Variants in LIMS1 observed in about 807,000 individuals in gnomAD.
LIMS1 encodes LIM and senescent cell antigen-like-containing domain protein 1.
Under a neutral mutation model 44.1 loss-of-function variants are expected in LIMS1, and 18 were observed. That is an observed-to-expected ratio of 0.41 (90% confidence interval 0.28 to 0.61). LIMS1 has a LOEUF of 0.61. Ranked by LOEUF, LIMS1 falls within the 20% of genes least tolerant of loss-of-function variation. The probability of loss-of-function intolerance (pLI) is 0.32; values close to 1 mark genes in which losing one functional copy is unlikely to be tolerated. For synonymous variants in LIMS1, 93 were observed against 149.1 expected (o/e 0.62, Z 2.74); for missense variants, 201 against 422.0 (o/e 0.48, Z 4.59).
chr2:108,621,706 TTGTTA>T (rs1688253351), intron 1 of LIMS1, among the ~76,000 whole-genome samples: 1 of 150,968 alleles, frequency 6.6e-6, no homozygotes, highest in Admixed American at 6.5e-5. Context: ...ACCTACAGTG[TTGTTA>T]TGTCTTTAAA....
chr2:108,579,197 A>G (rs934872644), intron 1 of LIMS1, among the ~76,000 whole-genome samples: 2 of 152,200 alleles, frequency 1.3e-5, no homozygotes, highest in African/African-American at 4.8e-5. Flanking sequence ...ATTTTAAAAA[A>G]TCTATTCTGT....
chr2:108,667,551 A>AATAT (rs1553469852), intron 2 of LIMS1, among the ~76,000 whole-genome samples: 167 of 130,466 alleles, frequency 1.3e-3, no homozygotes, highest in Middle Eastern at 4.1e-3. Context: ...AAAAAAAAAA[A>AATAT]ATATATATAT....
intron 1 of LIMS1, among the ~76,000 whole-genome samples, chr2:108,559,582 A>G (rs942674527): frequency 6.6e-6 from 1 of 152,198 alleles, no homozygotes; most frequent in East Asian, 1.9e-4. Flanking sequence ...ATAAAAATCT[A>G]ATCTCTTTAT....
chr2:108,604,918 C>T (rs1573424290), intron 1 of LIMS1, among the ~76,000 whole-genome samples: 2 of 152,292 alleles, frequency 1.3e-5, no homozygotes, highest in Middle Eastern at 3.4e-3. Flanking sequence ...GTTCCTTTTT[C>T]ACTGGAATCC....
At chr2:108,537,571 T>C (rs1244828270) in intron 1 of LIMS1, among the ~76,000 whole-genome samples, 1 of 152,206 alleles carries the variant, frequency 6.6e-6, no homozygotes, top group Non-Finnish European at 1.5e-5. Flanking sequence ...TTTTCAGTGC[T>C]CTGTGCCTGT....
intron 1 of LIMS1, among the ~76,000 whole-genome samples, chr2:108,559,149 A>G (rs1685028691): frequency 6.6e-6 from 1 of 152,152 alleles, no homozygotes; most frequent in African/African-American, 2.4e-5. Context: ...ATACCCTTAG[A>G]CACTGGCTTT....
At chr2:108,615,081 G>A (rs111757691) in intron 1 of LIMS1, among the ~76,000 whole-genome samples, 27 of 134,388 alleles carry the variant, frequency 2.0e-4, no homozygotes, top group African/African-American at 5.5e-4. Context: ...AATCTATAGC[G>A]TATAGTTGTA....
chr2:108,644,510 C>G (rs976606514), intron 1 of LIMS1, among the ~76,000 whole-genome samples: 2 of 152,082 alleles, frequency 1.3e-5, no homozygotes, highest in African/African-American at 4.8e-5. Flanking sequence ...CTTCAAAGAC[C>G]AAAGGTACAT....
chr2:108,565,814 C>G (rs1685272080), intron 1 of LIMS1, among the ~76,000 whole-genome samples: 1 of 152,122 alleles, frequency 6.6e-6, no homozygotes, highest in South Asian at 2.1e-4. Flanking sequence ...GCCATCTTCT[C>G]CAGGATGGCA....
intron 1 of LIMS1, among the ~76,000 whole-genome samples, chr2:108,647,356 A>T (rs1376146496): frequency 6.6e-6 from 1 of 151,998 alleles, no homozygotes; most frequent in African/African-American, 2.4e-5. Flanking sequence ...CCAGGACTGG[A>T]TGGATTCACA....
chr2:108,646,505 C>T (rs1389832644), intron 1 of LIMS1, among the ~76,000 whole-genome samples: 1 of 152,108 alleles, frequency 6.6e-6, no homozygotes, highest in Non-Finnish European at 1.5e-5. Context: ...ATTTATAGCA[C>T]TAAATGCCCA....
chr2:108,604,725 C>T (rs1332050596), intron 1 of LIMS1, among the ~76,000 whole-genome samples: 1 of 152,138 alleles, frequency 6.6e-6, no homozygotes, highest in Non-Finnish European at 1.5e-5. Context: ...CCCCCACTGC[C>T]CCTGCTCCTC....
chr2:108,566,097 T>C (rs1011974597), intron 1 of LIMS1, among the ~76,000 whole-genome samples: 2 of 152,230 alleles, frequency 1.3e-5, no homozygotes, highest in Non-Finnish European at 2.9e-5. Context: ...TTCATGTCTC[T>C]GTGAAGTAAA....
At chr2:108,561,736 G>GTT (rs201274342) in intron 1 of LIMS1, among the ~76,000 whole-genome samples, 3 of 111,698 alleles carry the variant, frequency 2.7e-5, no homozygotes, top group Non-Finnish European at 3.8e-5. Flanking sequence ...GATCAGCAGT[G>GTT]TTTTTTTTTG....
intron 1 of LIMS1, among the ~76,000 whole-genome samples, chr2:108,584,121 A>C (rs1046583640): frequency 6.6e-6 from 1 of 152,182 alleles, no homozygotes; most frequent in South Asian, 2.1e-4. Flanking sequence ...TTGTAGCTCC[A>C]TCTGCTGGAG....
chr2:108,684,232 G>T, exon 10 of LIMS1: 2 of 213,652 alleles, frequency 9.4e-6, no homozygotes, highest in Non-Finnish European at 9.3e-6. Flanking sequence ...CATGTAGACT[G>T]TTTACAAAAA....
At chr2:108,656,318 TATAGATAGATAG>T (rs61527656) in intron 1 of LIMS1, among the ~76,000 whole-genome samples, 15 of 84,312 alleles carry the variant, frequency 1.8e-4, no homozygotes, top group Admixed American at 1.7e-4. Flanking sequence ...TCTATCTATC[TATAGATAGATAG>T]ATAGATAGAT....
chr2:108,600,881 G>C (rs1484330388), intron 1 of LIMS1, among the ~76,000 whole-genome samples: 1 of 135,684 alleles, frequency 7.4e-6, no homozygotes, highest in African/African-American at 3.1e-5. Context: ...ATAAATTTTA[G>C]AATTGTTCGT....
intron 2 of LIMS1, among the ~76,000 whole-genome samples, chr2:108,663,821 C>T (rs1028100631): frequency 4.0e-5 from 6 of 151,672 alleles, no homozygotes; most frequent in Non-Finnish European, 5.9e-5. Flanking sequence ...AATGTGCGAT[C>T]TTGGCTCACC....
Sources: gnomAD v4.1 joint callset for allele counts (sites outside exome capture counted in the v4.1 genomes callset) on GRCh38, gnomAD v4.1.1 for gene constraint, MANE v1.5 for transcripts, NCBI Gene and HGNC (gene_info 2026-07-23, HGNC 2026-07-21) for gene names.